The following SOX5 variants were observed in gnomAD, a reference collection of about 807,000 sequenced individuals.
The protein encoded by SOX5 is transcription factor SOX-5.
In SOX5, 9 loss-of-function variants were observed where a neutral mutation model predicts 92.0. The observed-to-expected ratio is 0.10, with a 90% CI of 0.06 to 0.17. SOX5 has a LOEUF of 0.17. SOX5 is among the 10% of genes least tolerant of loss of function. The pLI is 1.00. For synonymous variants in SOX5, 344 were observed against 336.3 expected (o/e 1.02, Z -0.25); for missense variants, 642 against 944.5 (o/e 0.68, Z 4.20).
At chr12:24,509,920 C>G (rs1949151743) in intron 1 of SOX5, among the ~76,000 whole-genome samples, 1 of 152,204 alleles carries the variant, frequency 6.6e-6, no homozygotes, top group Non-Finnish European at 1.5e-5. Context: ...CAGGCAATGA[C>G]TGACATTTGC....
chr12:24,483,065 G>T (rs1946166715), intron 1 of SOX5, among the ~76,000 whole-genome samples: 1 of 152,184 alleles, frequency 6.6e-6, no homozygotes, highest in Non-Finnish European at 1.5e-5. Flanking sequence ...GGATGACTCA[G>T]TTACAATGAT....
chr12:23,728,508 A>G (rs968871902), intron 6 of SOX5, among the ~76,000 whole-genome samples: 2 of 152,172 alleles, frequency 1.3e-5, no homozygotes, highest in African/African-American at 4.8e-5. Flanking sequence ...GGTACATACT[A>G]TTATTTCACC....
chr12:23,924,451 A>G (rs1386117538), intron 1 of SOX5, among the ~76,000 whole-genome samples: 1 of 152,158 alleles, frequency 6.6e-6, no homozygotes, highest in Non-Finnish European at 1.5e-5. Flanking sequence ...GACAAATTAC[A>G]GTGAAATTTT....
intron 1 of SOX5, among the ~76,000 whole-genome samples, chr12:24,426,854 C>T (rs1015057688): frequency 7.9e-5 from 12 of 152,132 alleles, no homozygotes; most frequent in Non-Finnish European, 1.8e-4. Flanking sequence ...CTTTTTCCCT[C>T]GTCTTTACCC....
At chr12:23,985,020 G>T (rs1224291866) in intron 4 of SOX5, among the ~76,000 whole-genome samples, 7 of 152,120 alleles carry the variant, frequency 4.6e-5, no homozygotes, top group Non-Finnish European at 1.0e-4. Flanking sequence ...AATAATGGAG[G>T]ATTAAGCATA....
intron 4 of SOX5, among the ~76,000 whole-genome samples, chr12:24,121,928 T>C (rs1320312365): frequency 2.7e-5 from 4 of 148,884 alleles, no homozygotes; most frequent in African/African-American, 9.9e-5. Context: ...GATGATATTG[T>C]ATTGAAGATA....
At chr12:23,912,228 A>G (rs4473020) in intron 1 of SOX5, among the ~76,000 whole-genome samples, 107,475 of 151,930 alleles carry the variant, frequency 0.71, 38,139 homozygotes, top group East Asian at 0.89. Context: ...TATACAAATG[A>G]TCAGTAAGCA....
intron 4 of SOX5, among the ~76,000 whole-genome samples, chr12:24,049,182 T>C (rs1293433565): frequency 6.6e-6 from 1 of 152,228 alleles, no homozygotes; most frequent in Non-Finnish European, 1.5e-5. Context: ...AAGTTGGTTT[T>C]CTTCTATCAT....
At chr12:24,435,389 T>A (rs1280340293) in intron 1 of SOX5, among the ~76,000 whole-genome samples, 1 of 152,246 alleles carries the variant, frequency 6.6e-6, no homozygotes, top group African/African-American at 2.4e-5. Flanking sequence ...TTTTTTAAGT[T>A]ATTTCAGATT....
At chr12:23,841,995 G>T (rs1216196206) in intron 3 of SOX5, among the ~76,000 whole-genome samples, 1 of 151,992 alleles carries the variant, frequency 6.6e-6, no homozygotes, top group African/African-American at 2.4e-5. Flanking sequence ...AATCATAGAG[G>T]AGTGTGAGGG....
intron 8 of SOX5, among the ~76,000 whole-genome samples, chr12:23,612,757 AT>A (rs1267097890): frequency 2.0e-5 from 3 of 152,188 alleles, no homozygotes; most frequent in African/African-American, 7.2e-5. Context: ...ACGGAAAAGT[AT>A]TTGTTTATTT....
At chr12:23,677,097 C>T (rs1433480514) in intron 6 of SOX5, among the ~76,000 whole-genome samples, 37 of 152,166 alleles carry the variant, frequency 2.4e-4, no homozygotes, top group Admixed American at 2.4e-3. Flanking sequence ...TACAATGGAT[C>T]TTAGGCTTTA....
intron 1 of SOX5, among the ~76,000 whole-genome samples, chr12:24,546,563 C>T (rs1444752184): frequency 2.6e-5 from 4 of 152,244 alleles, no homozygotes; most frequent in Admixed American, 6.5e-5. Flanking sequence ...TGCCTTTCCA[C>T]TCAGGTTGTC....
chr12:23,670,078 G>A (rs1014688943), intron 6 of SOX5, among the ~76,000 whole-genome samples: 3 of 152,106 alleles, frequency 2.0e-5, no homozygotes, highest in African/African-American at 7.2e-5. Context: ...ATTAAAGTTA[G>A]ACAAAAATTA....
At chr12:23,905,264 T>G (rs1165729333) in intron 1 of SOX5, among the ~76,000 whole-genome samples, 1 of 152,194 alleles carries the variant, frequency 6.6e-6, no homozygotes, top group African/African-American at 2.4e-5. Flanking sequence ...GGCAGCCAAA[T>G]TCCATCCTAC....
chr12:23,886,531 AT>A (rs1051910453), intron 2 of SOX5, among the ~76,000 whole-genome samples: 3,569 of 147,772 alleles, frequency 0.024, 92 homozygotes, highest in African/African-American at 0.066. Context: ...ATACTGCAAG[AT>A]TTTTTTTTTT....
At chr12:23,862,777 GCTAC>G (rs1317422611) in intron 2 of SOX5, among the ~76,000 whole-genome samples, 2 of 152,154 alleles carry the variant, frequency 1.3e-5, no homozygotes, top group Non-Finnish European at 2.9e-5. Context: ...GAATTTACGT[GCTAC>G]CTGAGTTCTC....
chr12:24,048,343 G>A (rs1016786246), intron 4 of SOX5, among the ~76,000 whole-genome samples: 2 of 152,116 alleles, frequency 1.3e-5, no homozygotes, highest in African/African-American at 4.8e-5. Flanking sequence ...GAATTAAAAT[G>A]ATGAATTTCA....
chr12:23,950,746 C>G (rs1037629082), upstream of SOX5: 5 of 864,826 alleles, frequency 5.8e-6, no homozygotes, highest in African/African-American at 1.7e-5. Context: ...GCTGGCAAGG[C>G]ACAGCCTCCA....
Sources: allele counts gnomAD v4.1 joint callset (sites outside exome capture counted in the v4.1 genomes callset), GRCh38; gene constraint gnomAD v4.1.1; transcripts MANE v1.5; gene names NCBI Gene and HGNC (gene_info 2026-07-23, HGNC 2026-07-21).